The following ELOVL4 variants were observed in gnomAD, a reference collection of about 807,000 sequenced individuals.
ELOVL4 encodes the protein very long chain fatty acid elongase 4.
In ELOVL4, 18 loss-of-function variants were observed where a neutral mutation model predicts 42.1. That is an observed-to-expected ratio of 0.43 (90% CI 0.30 to 0.63). ELOVL4 has a LOEUF of 0.63. ELOVL4 is among the 30% of genes least tolerant of loss of function. The probability of loss-of-function intolerance (pLI) is 0.15; values close to 1 mark genes in which losing one functional copy is unlikely to be tolerated. For missense variants in ELOVL4, 299 were observed against 376.2 expected (o/e 0.79, Z 1.70); for synonymous variants, 117 against 127.0 (o/e 0.92, Z 0.53).
chr6:79,938,364 T>A (rs1774584181), intron 1 of ELOVL4, among the ~76,000 whole-genome samples: 1 of 152,118 alleles, frequency 6.6e-6, no homozygotes, highest in African/African-American at 2.4e-5. Flanking sequence ...ACCATTAGAG[T>A]GTGTGAGTGT....
chr6:79,931,403 T>C (rs150951275), intron 1 of ELOVL4, among the ~76,000 whole-genome samples: 1 of 152,228 alleles, frequency 6.6e-6, no homozygotes, highest in Non-Finnish European at 1.5e-5. Flanking sequence ...GAGCCTCATG[T>C]AACCTAGCAG....
chr6:79,947,525 C>T lies in ELOVL4; in HGVS notation c.-246G>A, dbSNP rs953022390. On this transcript the variant is annotated 5_prime_UTR_variant, in exon 1 of 6. Coordinates refer to ENST00000369816, the MANE Select transcript of ELOVL4 (RefSeq NM_022726.4). ...GACGAGGAGGTGGAGGAGGCCCAGC[C>T]GCCAGCACAGTGCGCTGCACCAGTC... The T allele has an allele frequency of 3.7e-6, 2 of 537,050 alleles. No individual in the cohort carries two copies. The highest frequency in any genetic ancestry group is 3.4e-5 in the East Asian group (1 of 29,490). 33.3% of individuals were successfully genotyped at this position (537,050 alleles called of 1,614,324 possible).
chr6:79,939,212 C>G (rs1774598649), intron 1 of ELOVL4, among the ~76,000 whole-genome samples: 1 of 151,978 alleles, frequency 6.6e-6, no homozygotes. Context: ...GACTGTTTTA[C>G]CATTGAGCAC....
chr6:79,930,695 A>C (rs1285910865), intron 1 of ELOVL4, among the ~76,000 whole-genome samples: 1 of 152,234 alleles, frequency 6.6e-6, no homozygotes, highest in Non-Finnish European at 1.5e-5. Context: ...AGTAAAGGAA[A>C]ATCATGAATA....
intron 5 of ELOVL4, among the ~76,000 whole-genome samples, chr6:79,918,162 TAC>T (rs1365705992): frequency 2.6e-4 from 39 of 152,276 alleles, no homozygotes; most frequent in African/African-American, 9.1e-4. Context: ...TAATCAGTAT[TAC>T]TTATTTTAAA....
At chr6:79,941,854 T>A (rs1424333750) in intron 1 of ELOVL4, among the ~76,000 whole-genome samples, 1 of 152,228 alleles carries the variant, frequency 6.6e-6, no homozygotes, top group Admixed American at 6.5e-5. Context: ...TAATCTCTGA[T>A]GTTGGAGAGA....
At position 79,915,560 on chromosome 6, in the gene ELOVL4, C is replaced by T. The variant is rs569179100; in HGVS notation, c.*1048G>A. 3.3e-4 allele frequency: 50 copies of T among 152,364 alleles called. No homozygotes were observed. Among genetic ancestry groups the T allele is most frequent in the Non-Finnish European group, 5.9e-4 (40 of 67,936 alleles). The allele number at this position is 152,364 out of a possible 1,614,324, so 9.4% of individuals were successfully genotyped here. A position where few individuals can be genotyped will look rare whatever the true frequency, so the allele number is the denominator to read the frequency against. On this transcript the variant is annotated 3_prime_UTR_variant, in exon 6 of 6. Coordinates refer to ENST00000369816, the MANE Select transcript of ELOVL4 (RefSeq NM_022726.4). The stretch of plus-strand genomic sequence containing the variant: ...GTTTCACAGAAATGTTTGGTGTATG[C>T]TATTTGTCATAAAAGCAAAAAAAAT...
At chr6:79,934,651 T>C (rs1002795138) in intron 1 of ELOVL4, among the ~76,000 whole-genome samples, 1 of 152,138 alleles carries the variant, frequency 6.6e-6, no homozygotes, top group African/African-American at 2.4e-5. Flanking sequence ...ATTCTGAATA[T>C]GGACTCTCAA....
intron 4 of ELOVL4, among the ~76,000 whole-genome samples, chr6:79,920,101 T>A (rs759721903): frequency 6.6e-6 from 1 of 152,338 alleles, no homozygotes; most frequent in African/African-American, 2.4e-5. Context: ...TTAATTTTTG[T>A]CATAAAGTGA....
chr6:79,920,879 T>A (rs1454806121), intron 4 of ELOVL4, among the ~76,000 whole-genome samples: 3 of 152,162 alleles, frequency 2.0e-5, no homozygotes, highest in Non-Finnish European at 4.4e-5. Flanking sequence ...GGTATCATGC[T>A]GGTGCTCAAA....
chr6:79,938,121 A>G (rs1363981783), intron 1 of ELOVL4, among the ~76,000 whole-genome samples: 1 of 152,238 alleles, frequency 6.6e-6, no homozygotes, highest in African/African-American at 2.4e-5. Flanking sequence ...GGGAGAAAAT[A>G]TATCTCGAGA....
rs542827244 is a variant in ELOVL4 at position 79,924,937 on chromosome 6, T to A, written c.369+15A>T. Reference sequence around the variant, plus strand: ...AACCACTTTTACTGATTAAGAGTATTTTTAATGTACTTACCCTGACTTCAT... The same window carrying A: ...AACCACTTTTACTGATTAAGAGTATATTTAATGTACTTACCCTGACTTCAT... On this transcript the variant is annotated intron_variant, in intron 3 of 5. Transcript: ENST00000369816. The A allele has an allele frequency of 5.2e-6, 8 of 1,540,408 alleles. No homozygotes were observed. The Admixed American group carries it at 1.3e-4, about 26-fold the overall frequency.
chr6:79,932,279 G>A (rs928381315), intron 1 of ELOVL4, among the ~76,000 whole-genome samples: 2 of 152,248 alleles, frequency 1.3e-5, no homozygotes, highest in African/African-American at 2.4e-5. Flanking sequence ...AGTGGCTCAC[G>A]CCTGTAATCC....
rs114247663 is a variant in ELOVL4 at position 79,919,362 on chromosome 6, T to A, written c.669+58A>T. ...AAATGACATTGCACTTTAAAATTAA[T>A]CAAATTTAAACAATTTCAGTATTTT... On this transcript the variant is annotated intron_variant, in intron 5 of 5. Coordinates refer to ENST00000369816, the MANE Select transcript of ELOVL4 (RefSeq NM_022726.4). 2,659 of 1,587,116 alleles carry A rather than the reference T, an allele frequency of 1.7e-3. 47 individuals are homozygous for A. In the African/African-American group the frequency reaches 0.032, roughly 19 times the overall value.
At chr6:79,925,696 A>C (rs1774331553) in intron 2 of ELOVL4, among the ~76,000 whole-genome samples, 1 of 152,198 alleles carries the variant, frequency 6.6e-6, no homozygotes, top group African/African-American at 2.4e-5. Flanking sequence ...ATGGCAGTTA[A>C]TTCATTTTAA....
At chr6:79,925,851 T>C (rs981271140) in intron 2 of ELOVL4, among the ~76,000 whole-genome samples, 1 of 152,158 alleles carries the variant, frequency 6.6e-6, no homozygotes, top group Non-Finnish European at 1.5e-5. Context: ...TGCCAAACAC[T>C]ATGCAAAAAT....
intron 1 of ELOVL4, among the ~76,000 whole-genome samples, chr6:79,931,068 TTC>T (rs1030013645): frequency 6.6e-6 from 1 of 152,200 alleles, no homozygotes; most frequent in African/African-American, 2.4e-5. Flanking sequence ...TCTTGGGAAT[TTC>T]TCTTTAGAAA....
intron 1 of ELOVL4, among the ~76,000 whole-genome samples, chr6:79,928,124 G>T (rs1340510933): frequency 3.3e-5 from 5 of 151,932 alleles, no homozygotes; most frequent in African/African-American, 1.2e-4. Flanking sequence ...GAAAAAAAAA[G>T]ATTTAGACAA....
At chr6:79,931,219 T>C (rs1298291460) in intron 1 of ELOVL4, among the ~76,000 whole-genome samples, 1 of 152,334 alleles carries the variant, frequency 6.6e-6, no homozygotes, top group Non-Finnish European at 1.5e-5. Context: ...TGTACCTTCA[T>C]GTGTTAATAA....
Sources: allele counts gnomAD v4.1 joint callset (sites outside exome capture counted in the v4.1 genomes callset), GRCh38; gene constraint gnomAD v4.1.1; transcripts MANE v1.5; gene names NCBI Gene and HGNC (gene_info 2026-07-23, HGNC 2026-07-21).